HACD3: variants seen among roughly 807,000 people sequenced by gnomAD.
HACD3 encodes the protein 3-hydroxyacyl-CoA dehydratase 3, also known as very-long-chain (3R)-3-hydroxyacyl-CoA dehydratase 3.
Under a neutral mutation model 55.2 loss-of-function variants are expected in HACD3, and 30 were observed. That is an observed-to-expected ratio of 0.54 (90% CI 0.41 to 0.74). The LOEUF (loss-of-function observed/expected upper bound fraction) is 0.74. Ranked by LOEUF, HACD3 falls within the 30% of genes least tolerant of loss-of-function variation. The pLI is 0.00. For missense variants in HACD3, 363 were observed against 440.1 expected, an observed-to-expected ratio of 0.82 and a Z score of 1.57; for synonymous variants, 141 against 151.7, an observed-to-expected ratio of 0.93 and a Z score of 0.52.
At chr15:65,552,737 G>A (rs559285920) in intron 2 of HACD3, among the ~76,000 whole-genome samples, 5 of 150,172 alleles carry the variant, frequency 3.3e-5, no homozygotes, top group East Asian at 3.9e-4. Context: ...ACATGTGCCC[G>A]TTGTGCAGGT....
Position 65,571,594 on chromosome 15 carries a change from C to T in HACD3, c.820C>T (p.Leu274Phe), listed in dbSNP as rs1209895492. 9.3e-6 allele frequency: 15 copies of T among 1,613,792 alleles called. No homozygotes were observed. The highest frequency in any genetic ancestry group is 2.7e-5 in the African/African-American group (2 of 74,924). Residue 274 changes from leucine to phenylalanine, a missense_variant, in exon 9 of 11, where the codon CTC becomes TTC. Leu to Phe is a conservative substitution (Grantham distance 22, BLOSUM62 0). Transcript: ENST00000261875. ...GTGCATTGACATGGATTGGAAGGTG[C>T]TCACATGGCTTCGTTACACTCTGTG... ...LTCIDMDWKV[L>F]TWLRYTLWIP...
At chr15:65,565,831 T>C (rs886330472) in intron 7 of HACD3, 4 of 152,230 alleles carry the variant, frequency 2.6e-5, no homozygotes, top group Non-Finnish European at 5.9e-5. Flanking sequence ...TGGGTTTTTC[T>C]TTTCTACTGA....
intron 4 of HACD3, among the ~76,000 whole-genome samples, chr15:65,557,470 C>CAAA (rs754834285): frequency 1.0e-5 from 1 of 99,994 alleles, no homozygotes; most frequent in Non-Finnish European, 2.1e-5. Context: ...GCGAGAGTCT[C>CAAA]AAAAAAAAAA....
chr15:65,530,494 G>C lies in HACD3; in HGVS notation c.-138G>C. ...GCGCAGGCGCGGCCCGCGAGCGTGG[G>C]GTATCTCGAGGTGCCGGGTTGCAGG... On this transcript the variant is annotated 5_prime_UTR_variant, in exon 1 of 11. Transcript: ENST00000261875. 1.5e-6 allele frequency: 1 copy of C among 683,790 alleles called. No homozygotes were observed. The highest frequency in any genetic ancestry group is 2.3e-6 in the Non-Finnish European group (1 of 439,662). 42.4% of individuals were successfully genotyped at this position (683,790 alleles called of 1,614,324 possible).
intron 1 of HACD3, among the ~76,000 whole-genome samples, chr15:65,533,333 G>A (rs2071920972): frequency 6.6e-6 from 1 of 152,188 alleles, no homozygotes; most frequent in Non-Finnish European, 1.5e-5. Flanking sequence ...ATAAGATCCT[G>A]TAAGAAAATA....
chr15:65,576,241 A>G, intron 10 of HACD3, 62 bp from the exon 11 acceptor site: 2 of 1,537,876 alleles, frequency 1.3e-6, no homozygotes, highest in Non-Finnish European at 1.7e-6. Flanking sequence ...CCCTGCCACA[A>G]GAGCTTCTGG....
At chr15:65,537,949 AAAAAAAAAAATATAT>A (rs1345930619) in intron 1 of HACD3, among the ~76,000 whole-genome samples, 8 of 57,032 alleles carry the variant, frequency 1.4e-4, no homozygotes, top group African/African-American at 5.2e-4. Context: ...AAAAAAAAAA[AAAAAAAAAAATATAT>A]ATATATATAT....
Position 65,530,606 on chromosome 15 carries a change from C to A in HACD3, c.-26C>A, listed in dbSNP as rs774990431. ...GGCAGCGAGGCGCAGCGAGCCTAGC[C>A]TCCCCGCGCCCTGGGCAGTGTGGCC... On this transcript the variant is annotated 5_prime_UTR_variant, in exon 1 of 11. Transcript: ENST00000261875. The A allele has an allele frequency of 6.4e-7, 1 of 1,554,704 alleles. No homozygotes were observed. The highest frequency in any genetic ancestry group is 1.2e-5 in the South Asian group (1 of 83,674).
At chr15:65,558,383 C>T (rs954579625) in intron 4 of HACD3, among the ~76,000 whole-genome samples, 4 of 152,238 alleles carry the variant, frequency 2.6e-5, no homozygotes, top group Non-Finnish European at 5.9e-5. Flanking sequence ...CTGACTGCGA[C>T]AGATCTTCTG....
chr15:65,554,798 G>T (rs1252462170), intron 2 of HACD3, 89 bp from the exon 3 acceptor site: 11 of 873,130 alleles, frequency 1.3e-5, no homozygotes, highest in African/African-American at 5.1e-5. Flanking sequence ...TGTAATATTC[G>T]CATACTTGGG....
intron 1 of HACD3, among the ~76,000 whole-genome samples, chr15:65,541,171 C>T (rs2072015587): frequency 6.6e-6 from 1 of 152,078 alleles, no homozygotes; most frequent in Non-Finnish European, 1.5e-5. Flanking sequence ...TATAACTATA[C>T]AAATACAGAG....
At chr15:65,573,845 T>A (rs952651084) in intron 10 of HACD3, among the ~76,000 whole-genome samples, 4 of 152,206 alleles carry the variant, frequency 2.6e-5, no homozygotes, top group Non-Finnish European at 4.4e-5. Flanking sequence ...AGGAATTTTG[T>A]CATTAAATAT....
At chr15:65,564,927 A>G (rs1000344699) in intron 7 of HACD3, 1 of 152,302 alleles carries the variant, frequency 6.6e-6, no homozygotes, top group Admixed American at 6.5e-5. Context: ...TGAGCCTGTA[A>G]AATCAAAGCA....
chr15:65,554,119 A>C (rs2072163044), intron 2 of HACD3, among the ~76,000 whole-genome samples: 2 of 152,164 alleles, frequency 1.3e-5, no homozygotes, highest in Admixed American at 6.6e-5. Flanking sequence ...AGAGCTGTCC[A>C]AGACAACCCA....
intron 1 of HACD3, among the ~76,000 whole-genome samples, chr15:65,545,988 C>T (rs1023297494): frequency 1.3e-5 from 2 of 152,346 alleles, no homozygotes; most frequent in African/African-American, 2.4e-5. Flanking sequence ...CATTCCCTCT[C>T]GGAACTGAGC....
intron 4 of HACD3, 128 bp downstream of exon 4, chr15:65,557,031 G>T (rs2072198798): frequency 2.1e-6 from 2 of 931,042 alleles, no homozygotes; most frequent in Non-Finnish European, 3.1e-6. Flanking sequence ...TAAAGACCTG[G>T]TGATGTGATT....
chr15:65,542,867 A>C (rs770557220), intron 1 of HACD3, among the ~76,000 whole-genome samples: 2 of 152,106 alleles, frequency 1.3e-5, no homozygotes, highest in Non-Finnish European at 2.9e-5. Flanking sequence ...CGAGGTCAAG[A>C]GATAGAGACC....
At chr15:65,548,693 C>A (rs1236436418) in intron 1 of HACD3, among the ~76,000 whole-genome samples, 2 of 152,008 alleles carry the variant, frequency 1.3e-5, no homozygotes, top group Non-Finnish European at 2.9e-5. Flanking sequence ...CCAGCTTAGC[C>A]TCCCAAGTAG....
chr15:65,533,699 A>C (rs1262037567), intron 1 of HACD3, among the ~76,000 whole-genome samples: 1 of 149,342 alleles, frequency 6.7e-6, no homozygotes, highest in Admixed American at 6.7e-5. Flanking sequence ...TGCTCTATGC[A>C]GGGCCTGTTG....
Sources: gnomAD v4.1 joint callset for allele counts (sites outside exome capture counted in the v4.1 genomes callset) on GRCh38, gnomAD v4.1.1 for gene constraint, MANE v1.5 for transcripts, NCBI Gene and HGNC (gene_info 2026-07-23, HGNC 2026-07-21) for gene names.